The following KIAA0586 variants were observed in gnomAD, a reference collection of about 807,000 sequenced individuals.
The protein encoded by KIAA0586 is KIAA0586.
A neutral mutation model predicts 169.8 loss-of-function variants in KIAA0586; 144 were observed. That is an observed-to-expected ratio of 0.85 (90% confidence interval 0.74 to 0.97). KIAA0586 has a LOEUF of 0.97. Among genes scored for constraint, KIAA0586 ranks in the 50% least tolerant of loss-of-function variants. The pLI, the probability that KIAA0586 is intolerant of heterozygous loss-of-function variation, is 0.00. For synonymous variants in KIAA0586, 625 were observed against 612.4 expected (o/e 1.02, Z -0.30); for missense variants, 1,854 against 1,823.0 (o/e 1.02, Z -0.31).
upstream of KIAA0586, chr14:58,427,524 G>A: frequency 6.8e-7 from 1 of 1,473,376 alleles, no homozygotes; most frequent in Non-Finnish European, 9.2e-7. Context: ...GCGGCAATGT[G>A]CTACCTTAAA....
At chr14:58,452,956 C>T (rs1232902990) in intron 8 of KIAA0586, among the ~76,000 whole-genome samples, 2 of 147,882 alleles carry the variant, frequency 1.4e-5, no homozygotes, top group African/African-American at 2.5e-5. Context: ...TCACTCTTGT[C>T]GCCCAGGCTG....
At chr14:58,427,505 C>T, upstream of KIAA0586, 3 of 1,279,180 alleles carry the variant, frequency 2.3e-6, no homozygotes, top group Non-Finnish European at 2.2e-6. Flanking sequence ...GACTGTAGAG[C>T]GGTCTTGTGC....
At chr14:58,492,101 C>T (rs371064539) in intron 25 of KIAA0586, 43 bp from the exon 26 acceptor site, 35 of 1,407,992 alleles carry the variant, frequency 2.5e-5, no homozygotes, top group African/African-American at 1.7e-4. Flanking sequence ...TGCAATTGTT[C>T]GAAATAATTT....
At position 58,548,075 on chromosome 14, in the gene KIAA0586, A is replaced by G. The variant is rs2047094548; in HGVS notation, c.*143A>G. ...AATATTTTAAAATAAAACAAAAAGC[A>G]TAATTTGGGTATTTAAAGTTTTTAA... is the stretch of plus-strand genomic sequence containing the variant. On this transcript the variant is annotated 3_prime_UTR_variant, in exon 31 of 31. Transcript: ENST00000652326. The G allele has an allele frequency of 8.2e-6, 8 of 979,142 alleles. No homozygotes were observed. In the Admixed American group the frequency reaches 1.8e-4, roughly 22 times the overall value. The allele number at this position is 979,142 out of a possible 1,614,324, so 60.7% of individuals were successfully genotyped here.
chr14:58,460,883 A>G (rs966481936), intron 13 of KIAA0586, 103 bp from the exon 14 acceptor site: 6 of 727,144 alleles, frequency 8.3e-6, no homozygotes, highest in African/African-American at 1.8e-5. Flanking sequence ...TTACTTAATC[A>G]TTCTTGTTAT....
At chr14:58,523,248 A>G (rs1463782079) in intron 29 of KIAA0586, among the ~76,000 whole-genome samples, 1 of 152,106 alleles carries the variant, frequency 6.6e-6, no homozygotes, top group Admixed American at 6.5e-5. Context: ...AAGCATTTTA[A>G]TTGTGGAAAT....
chr14:58,556,771 G>A, the KIAA0586 span, among the ~76,000 whole-genome samples: 84 of 152,234 alleles, frequency 5.5e-4, no homozygotes, highest in African/African-American at 2.0e-3. Flanking sequence ...TTGAGACGGA[G>A]TTTGGCTCTT....
At chr14:58,446,678 A>G (rs1190409318) in intron 6 of KIAA0586, among the ~76,000 whole-genome samples, 2 of 152,162 alleles carry the variant, frequency 1.3e-5, no homozygotes, top group Non-Finnish European at 2.9e-5. Context: ...TTAATTTGCT[A>G]TAATTTTCAA....
At chr14:58,427,678 G>C (rs543661730), upstream of KIAA0586, 31 of 1,535,612 alleles carry the variant, frequency 2.0e-5, 1 homozygote, top group Admixed American at 5.5e-4. Flanking sequence ...TCTCAAGGGC[G>C]GGTTTGAAGG....
intron 5 of KIAA0586, among the ~76,000 whole-genome samples, chr14:58,443,454 A>G (rs900179253): frequency 1.3e-5 from 2 of 152,152 alleles, no homozygotes; most frequent in South Asian, 2.1e-4. Context: ...ACGGAGTCTC[A>G]CTCTGTTGCC....
chr14:58,544,503 C>T (rs1238785621), intron 30 of KIAA0586, among the ~76,000 whole-genome samples: 2 of 152,084 alleles, frequency 1.3e-5, no homozygotes, highest in African/African-American at 4.8e-5. Context: ...TAAGTGTTCC[C>T]TTTTCTCTGC....
At position 58,508,719 on chromosome 14, in the gene KIAA0586, T is replaced by C; in HGVS notation, c.4323+10T>C. 6.4e-7 allele frequency: 1 copy of C among 1,564,838 alleles called. No individual in the cohort carries two copies. ...TGAAGATTTTTCCCAGGTACCAAAT[T>C]AATAGCACTTGTATTTTACTTAAAA... On this transcript the variant is annotated intron_variant, in intron 28 of 30. Transcript: ENST00000652326.
intron 17 of KIAA0586, among the ~76,000 whole-genome samples, chr14:58,471,758 A>G (rs1384961242): frequency 2.0e-5 from 3 of 152,112 alleles, no homozygotes; most frequent in African/African-American, 7.2e-5. Flanking sequence ...TACATTTTAT[A>G]TAATGAGGCC....
intron 20 of KIAA0586, among the ~76,000 whole-genome samples, chr14:58,480,130 C>CCTA (rs2079179155): frequency 6.6e-6 from 1 of 152,094 alleles, no homozygotes; most frequent in Non-Finnish European, 1.5e-5. Flanking sequence ...TTTCTCATTA[C>CCTA]CTACTTCCTC....
the KIAA0586 span, among the ~76,000 whole-genome samples, chr14:58,560,585 C>T: frequency 1.3e-5 from 2 of 152,102 alleles, no homozygotes; most frequent in African/African-American, 2.4e-5. Flanking sequence ...ATTTGTTTCT[C>T]GTTGTTTCAG....
At position 58,460,988 on chromosome 14, in the gene KIAA0586, G is replaced by A. The variant is rs1203577553; in HGVS notation, c.1887G>A (p.Gly629=). The A allele has an allele frequency of 1.3e-6, 2 of 1,588,968 alleles. No homozygotes were observed. The highest frequency in any genetic ancestry group is 2.3e-5 in the East Asian group (1 of 43,528). ...GTTGAATAACTTTGTACACACAGGG[G>A]CTTTTGAAAGCAACCACAGTAATAC... is the stretch of plus-strand genomic sequence containing the variant. ...ASSLQKERKE[G]LLKATTVIQD... Residue 629 remains glycine, a splice_region_variant and synonymous_variant, in exon 14 of 31, where the codon GGG becomes GGA. Transcript: ENST00000652326.
At chr14:58,498,428 G>A (rs2043313899) in intron 26 of KIAA0586, among the ~76,000 whole-genome samples, 3 of 152,004 alleles carry the variant, frequency 2.0e-5, no homozygotes, top group South Asian at 2.1e-4. Context: ...CACCTGCCTC[G>A]GCCTCCTAAA....
At chr14:58,459,307 A>C (rs545138533) in intron 12 of KIAA0586, among the ~76,000 whole-genome samples, 13 of 152,278 alleles carry the variant, frequency 8.5e-5, no homozygotes, top group Admixed American at 3.3e-4. Context: ...TAGGTACTAT[A>C]TGGTACACAC....
intron 28 of KIAA0586, among the ~76,000 whole-genome samples, chr14:58,510,014 G>A (rs2044272534): frequency 6.6e-6 from 1 of 152,162 alleles, no homozygotes; most frequent in Non-Finnish European, 1.5e-5. Context: ...GTTGAAAAAT[G>A]AACAATAGAT....
Sources: gnomAD v4.1 joint callset for allele counts (sites outside exome capture counted in the v4.1 genomes callset) on GRCh38, gnomAD v4.1.1 for gene constraint, MANE v1.5 for transcripts, NCBI Gene and HGNC (gene_info 2026-07-23, HGNC 2026-07-21) for gene names.